The following MED12L variants were observed in gnomAD, a reference collection of about 807,000 sequenced individuals.
The protein encoded by MED12L is mediator complex subunit 12L.
In MED12L, 60 loss-of-function variants were observed where a neutral mutation model predicts 281.3. That is an observed-to-expected ratio of 0.21 (90% CI 0.17 to 0.26). The LOEUF (loss-of-function observed/expected upper bound fraction) is 0.26, where lower values mean the gene tolerates loss of function less well. Among genes scored for constraint, MED12L ranks in the 10% least tolerant of loss-of-function variants. The pLI, the probability that MED12L is intolerant of heterozygous loss-of-function variation, is 1.00. For missense variants in MED12L, 2,146 were observed against 2,680.9 expected, an observed-to-expected ratio of 0.80 and a Z score of 4.41; for synonymous variants, 974 against 987.2, an observed-to-expected ratio of 0.99 and a Z score of 0.25.
chr3:151,325,932 G>A (rs1010330425), intron 16 of MED12L, among the ~76,000 whole-genome samples: 1 of 152,156 alleles, frequency 6.6e-6, no homozygotes, highest in African/African-American at 2.4e-5. Context: ...GGATTTAGTG[G>A]CATCCCTAAT....
At chr3:151,299,439 T>C (rs116006083) in intron 16 of MED12L, among the ~76,000 whole-genome samples, 2,465 of 131,358 alleles carry the variant, frequency 0.019, 89 homozygotes, top group African/African-American at 0.068. Flanking sequence ...CTCCTCTCTT[T>C]TCTTTTCTTT....
intron 16 of MED12L, among the ~76,000 whole-genome samples, chr3:151,210,131 C>T (rs1421340287): frequency 2.6e-5 from 4 of 152,146 alleles, no homozygotes; most frequent in African/African-American, 9.7e-5. Flanking sequence ...ATGGCACACC[C>T]TCCAGATAAT....
chr3:151,095,703 C>T (rs960614453), intron 2 of MED12L, among the ~76,000 whole-genome samples: 1 of 152,114 alleles, frequency 6.6e-6, no homozygotes, highest in African/African-American at 2.4e-5. Flanking sequence ...TCCTGCTTTT[C>T]CCTTGCCTGC....
intron 16 of MED12L, among the ~76,000 whole-genome samples, chr3:151,344,356 G>A (rs975805040): frequency 5.3e-4 from 80 of 151,354 alleles, no homozygotes; most frequent in African/African-American, 1.9e-3. Flanking sequence ...CCTCATCCAT[G>A]TGCACACCCA....
At chr3:151,380,570 C>T (rs1712094234) in intron 32 of MED12L, among the ~76,000 whole-genome samples, 1 of 142,788 alleles carries the variant, frequency 7.0e-6, no homozygotes, top group East Asian at 2.1e-4. Context: ...GCACACCAGC[C>T]TGGGAAACAA....
chr3:151,247,206 G>A (rs369640230), intron 16 of MED12L, among the ~76,000 whole-genome samples: 4 of 151,984 alleles, frequency 2.6e-5, no homozygotes, highest in African/African-American at 7.2e-5. Context: ...TCAGTGTGGC[G>A]ATTCCTCAGG....
chr3:151,292,305 T>TTTTTG (rs1744360403), intron 16 of MED12L, among the ~76,000 whole-genome samples: 3 of 145,232 alleles, frequency 2.1e-5, no homozygotes, highest in African/African-American at 7.9e-5. Context: ...TTTTTTTTTT[T>TTTTTG]GGATGGAGTT....
intron 16 of MED12L, among the ~76,000 whole-genome samples, chr3:151,301,816 G>C (rs1260496744): frequency 6.6e-6 from 1 of 152,118 alleles, no homozygotes; most frequent in South Asian, 2.1e-4. Flanking sequence ...TTAAAATTAC[G>C]GTACAGCCAC....
At chr3:151,148,009 T>G (rs1437358270) in intron 5 of MED12L, among the ~76,000 whole-genome samples, 1 of 152,258 alleles carries the variant, frequency 6.6e-6, no homozygotes, top group African/African-American at 2.4e-5. Flanking sequence ...GGATTTCAGT[T>G]TCTCTACATT....
At chr3:151,099,774 G>C (rs1343203000) in intron 2 of MED12L, among the ~76,000 whole-genome samples, 1 of 152,160 alleles carries the variant, frequency 6.6e-6, no homozygotes, top group African/African-American at 2.4e-5. Flanking sequence ...CAAGGATGGG[G>C]TGGGTGAGGG....
chr3:151,270,217 G>A (rs1191093239), intron 16 of MED12L: 6 of 156,432 alleles, frequency 3.8e-5, no homozygotes, highest in African/African-American at 1.5e-4. Context: ...GTGTGTGTGT[G>A]TGTGTGTGTG....
intron 16 of MED12L, among the ~76,000 whole-genome samples, chr3:151,225,474 C>T (rs899515694): frequency 3.3e-5 from 5 of 152,204 alleles, no homozygotes; most frequent in African/African-American, 9.6e-5. Context: ...GGGCCAACTT[C>T]TGCAGTAATA....
intron 16 of MED12L, among the ~76,000 whole-genome samples, chr3:151,229,806 A>G (rs1485774042): frequency 6.6e-6 from 1 of 151,996 alleles, no homozygotes; most frequent in Admixed American, 6.5e-5. Flanking sequence ...TATTAACTAG[A>G]GCATGCAACA....
intron 16 of MED12L, among the ~76,000 whole-genome samples, chr3:151,279,373 G>A (rs1021616816): frequency 1.3e-5 from 2 of 152,152 alleles, no homozygotes; most frequent in Non-Finnish European, 2.9e-5. Flanking sequence ...TACTTGCTAC[G>A]TAGGAGGCAG....
At chr3:151,262,065 G>C (rs1458836818) in intron 16 of MED12L, among the ~76,000 whole-genome samples, 1 of 152,138 alleles carries the variant, frequency 6.6e-6, no homozygotes, top group Non-Finnish European at 1.5e-5. Flanking sequence ...TAAAGTTTGA[G>C]AATCACTGTT....
At chr3:151,244,698 A>G (rs1734976818) in intron 16 of MED12L, among the ~76,000 whole-genome samples, 1 of 151,498 alleles carries the variant, frequency 6.6e-6, no homozygotes, top group South Asian at 2.1e-4. Context: ...TAACATCACA[A>G]TTAAAAGAAC....
At chr3:151,312,859 A>C (rs1306034793) in intron 16 of MED12L, among the ~76,000 whole-genome samples, 1 of 152,172 alleles carries the variant, frequency 6.6e-6, no homozygotes, top group Non-Finnish European at 1.5e-5. Flanking sequence ...AGCCCTCATA[A>C]GATTGTTTTG....
intron 39 of MED12L, among the ~76,000 whole-genome samples, chr3:151,396,203 A>AT (rs1714946394): frequency 7.9e-6 from 1 of 126,822 alleles, no homozygotes; most frequent in African/African-American, 3.0e-5. Flanking sequence ...CCTCATTGGG[A>AT]TTTTTAGCTC....
At chr3:151,087,599 T>G (rs1276958246) in intron 2 of MED12L, among the ~76,000 whole-genome samples, 2 of 152,200 alleles carry the variant, frequency 1.3e-5, no homozygotes, top group African/African-American at 4.8e-5. Context: ...AACACTGATT[T>G]TCGTCTCTAG....
Sources: allele counts gnomAD v4.1 joint callset (sites outside exome capture counted in the v4.1 genomes callset), GRCh38; gene constraint gnomAD v4.1.1; transcripts MANE v1.5; gene names NCBI Gene and HGNC (gene_info 2026-07-23, HGNC 2026-07-21).